Variants in SSR3 observed in about 807,000 individuals in gnomAD.
SSR3 encodes signal sequence receptor subunit 3, also known as translocon-associated protein subunit gamma.
Under a neutral mutation model 22.1 loss-of-function variants are expected in SSR3, and 10 were observed. That is an observed-to-expected ratio of 0.45 (90% CI 0.28 to 0.77). The LOEUF (loss-of-function observed/expected upper bound fraction) is 0.77. Among genes scored for constraint, SSR3 ranks in the 30% least tolerant of loss-of-function variants. The probability of loss-of-function intolerance (pLI) is 0.13; values close to 1 mark genes in which losing one functional copy is unlikely to be tolerated. For missense variants in SSR3, 181 were observed against 220.5 expected (o/e 0.82, Z 1.13); for synonymous variants, 104 against 82.5 (o/e 1.26, Z -1.42).
intron 4 of SSR3, chr3:156,544,048 T>C: frequency 2.6e-6 from 1 of 387,934 alleles, no homozygotes; most frequent in Non-Finnish European, 4.5e-6. Context: ...TGGAGCTTTT[T>C]TTTAAGGAGG....
chr3:156,553,851 C>A (rs1408815877), intron 1 of SSR3, 70 bp from the exon 2 acceptor site: 12 of 1,465,220 alleles, frequency 8.2e-6, no homozygotes, highest in African/African-American at 1.4e-5. Context: ...CAAAAGCCTG[C>A]GAAATTAATT....
Position 156,553,615 on chromosome 3 carries a change from T to A in SSR3, c.260+40A>T, listed in dbSNP as rs755632456. The A allele has an allele frequency of 2.5e-6, 4 of 1,582,240 alleles. No individual in the cohort carries two copies. In the South Asian group the frequency reaches 4.6e-5, roughly 18 times the overall value. Reference sequence around the variant, plus strand: ...ATCTTTAAGAAGACATATAAAAATATAACATGTAGTACGTACTTTCACTTG... The same window carrying A: ...ATCTTTAAGAAGACATATAAAAATAAAACATGTAGTACGTACTTTCACTTG... On this transcript the variant is annotated intron_variant, in intron 2 of 4. Transcript: ENST00000265044.
rs991967098 is a variant in SSR3, at chr3:156,539,934, G to A, written c.*3269C>T. On this transcript the variant is annotated 3_prime_UTR_variant, in exon 5 of 5. Coordinates refer to ENST00000265044, the MANE Select transcript of SSR3 (RefSeq NM_007107.5). ...CATACATTTGATTGGTAACTACAAA[G>A]ATGTGCATTTACATGTGTGAGATAT... 6.6e-6 allele frequency among the ~76,000 whole-genome samples: 1 copy of A among 152,060 alleles called. No homozygotes were observed. The highest frequency in any genetic ancestry group is 2.4e-5 in the African/African-American group (1 of 41,378).
rs925223929 is a variant in SSR3 at position 156,553,727 on chromosome 3, C to T, written c.188G>A (p.Ser63Asn). The stretch of plus-strand genomic sequence containing the variant: ...ATATGTGCTTACTAGGGTCATCACA[C>T]TATACAAAACAGCAGACTGAATAAG... ...MDLIQSAVLY[S>N]VMTLVSTYLV... is the part of the protein sequence containing the mutation. The change falls in exon 2 of 5, where the codon AGT (serine) becomes AAT (asparagine). Residue 63 changes from serine to asparagine, a missense_variant. Transcript: ENST00000265044. The T allele has an allele frequency of 3.7e-6, 6 of 1,612,960 alleles. No homozygotes were observed. Among genetic ancestry groups the T allele is most frequent in the Non-Finnish European group, 5.1e-6 (6 of 1,179,756 alleles).
Position 156,542,952 on chromosome 3 carries a change from A to C in SSR3, c.*251T>G. On this transcript the variant is annotated 3_prime_UTR_variant, in exon 5 of 5. Coordinates refer to ENST00000265044, the MANE Select transcript of SSR3 (RefSeq NM_007107.5). ...AGTTATTTTCTCCTCTTGTGATTAC[A>C]GCACATTGCAAGACATTTTTTTCCT... The C allele has an allele frequency of 2.4e-6, 1 of 417,536 alleles. No homozygotes were observed. The highest frequency in any genetic ancestry group is 3.4e-5 in the East Asian group (1 of 29,444). The allele number at this position is 417,536 out of a possible 1,614,324, so 25.9% of individuals were successfully genotyped here. A position where few individuals can be genotyped will look rare whatever the true frequency, so the allele number is the denominator to read the frequency against.
At chr3:156,544,931 G>A (rs966893836) in intron 3 of SSR3, among the ~76,000 whole-genome samples, 7 of 152,154 alleles carry the variant, frequency 4.6e-5, no homozygotes, top group Admixed American at 2.6e-4. Flanking sequence ...GCTATTGTTA[G>A]CCATCTTTAT....
At chr3:156,544,240 A>G in intron 4 of SSR3, 68 bp downstream of exon 4, 1 of 1,407,520 alleles carries the variant, frequency 7.1e-7, no homozygotes, top group East Asian at 2.5e-5. Flanking sequence ...ATATCCAGAC[A>G]AGTCAAAACC....
chr3:156,543,185 G>A lies in SSR3; in HGVS notation c.*18C>T. The A allele has an allele frequency of 1.2e-6, 2 of 1,612,158 alleles. No homozygotes were observed. The highest frequency in any genetic ancestry group is 1.7e-6 in the Non-Finnish European group (2 of 1,179,044). On this transcript the variant is annotated 3_prime_UTR_variant, in exon 5 of 5. Transcript: ENST00000265044. ...GGCCACCCATAGACACAAAGCCAGG[G>A]GGTGAAGCTGACATGGTCTATTTGG...
At chr3:156,547,151 T>C (rs970898178) in intron 3 of SSR3, among the ~76,000 whole-genome samples, 1 of 152,210 alleles carries the variant, frequency 6.6e-6, no homozygotes, top group Non-Finnish European at 1.5e-5. Flanking sequence ...AATTTTATAA[T>C]GTTCTGACAC....
intron 2 of SSR3, among the ~76,000 whole-genome samples, chr3:156,552,222 T>G (rs1349032870): frequency 6.6e-6 from 1 of 151,184 alleles, no homozygotes; most frequent in Non-Finnish European, 1.5e-5. Flanking sequence ...GAGGATCACT[T>G]GAGCCCAGGA....
chr3:156,554,885 G>T, intron 1 of SSR3, 72 bp downstream of exon 1: 1 of 1,547,982 alleles, frequency 6.5e-7, no homozygotes, highest in Admixed American at 1.9e-5. Context: ...CCTGCTCGCC[G>T]GGTCCTGCCA....
At chr3:156,554,897 G>C in intron 1 of SSR3, 60 bp downstream of exon 1, 3 of 1,566,990 alleles carry the variant, frequency 1.9e-6, no homozygotes, top group Non-Finnish European at 2.6e-6. Context: ...GTCCTGCCAC[G>C]TCCCCGCCCA....
chr3:156,540,198 G>T lies in SSR3; in HGVS notation c.*3005C>A, dbSNP rs936938720. The T allele has an allele frequency of 6.6e-6, 1 of 152,190 alleles. No homozygotes were observed. Among genetic ancestry groups the T allele is most frequent in the Non-Finnish European group, 1.5e-5 (1 of 68,046 alleles). 9.4% of individuals were successfully genotyped at this position (152,190 alleles called of 1,614,324 possible). Reference sequence around the variant, plus strand: ...TTAAGCAAGACTTTTCACAAGAATTGAGTATAAATTCAATCTCCATATTTC... The same window carrying T: ...TTAAGCAAGACTTTTCACAAGAATTTAGTATAAATTCAATCTCCATATTTC... On this transcript the variant is annotated 3_prime_UTR_variant, in exon 5 of 5. Coordinates refer to ENST00000265044, the MANE Select transcript of SSR3 (RefSeq NM_007107.5).
intron 4 of SSR3, chr3:156,544,077 T>C (rs556653148): frequency 7.2e-5 from 29 of 405,072 alleles, no homozygotes; most frequent in Admixed American, 1.8e-4. Flanking sequence ...CAGATTCCCA[T>C]AGACTACTTT....
At chr3:156,550,503 C>G (rs1272880021) in intron 2 of SSR3, among the ~76,000 whole-genome samples, 1 of 152,216 alleles carries the variant, frequency 6.6e-6, no homozygotes, top group Admixed American at 6.5e-5. Context: ...GGAGGAAGCC[C>G]TCCCCTCTGT....
Position 156,543,218 on chromosome 3 carries a change from AGAC to A in SSR3, c.540_542del (p.Ser181del). 6.2e-7 allele frequency: 1 copy of A among 1,613,966 alleles called. No homozygotes were observed. Among genetic ancestry groups the A allele is most frequent in the Non-Finnish European group, 8.5e-7 (1 of 1,179,952 alleles). On this transcript the variant is annotated inframe_deletion, in exon 5 of 5. Coordinates refer to ENST00000265044, the MANE Select transcript of SSR3 (RefSeq NM_007107.5). ...CTGACATGGTCTATTTGGAGCCAGT[AGAC>A]AGGAGGGCGATGAGTCCTGATGAAG...
In SSR3 at chr3:156,553,877, A is replaced by G. The variant is rs1173896507; in HGVS notation, c.134-96T>C. The G allele has an allele frequency of 5.5e-6, 7 of 1,272,474 alleles. No individual in the cohort carries two copies. In the African/African-American group the frequency reaches 9.1e-5, roughly 17 times the overall value. The allele number at this position is 1,272,474 out of a possible 1,614,324, so 78.8% of individuals were successfully genotyped here. On this transcript the variant is annotated intron_variant, in intron 1 of 4. Transcript: ENST00000265044. ...GAAATTAATTATAGCTAAGCCTGGT[A>G]AAATACCAGGTTATTAGTTATGCAA... is the stretch of plus-strand genomic sequence containing the variant.
chr3:156,552,846 T>G (rs1218886879), intron 2 of SSR3, among the ~76,000 whole-genome samples: 1 of 152,242 alleles, frequency 6.6e-6, no homozygotes, highest in African/African-American at 2.4e-5. Flanking sequence ...TACGTGATCC[T>G]GCATTTTAAC....
intron 3 of SSR3, among the ~76,000 whole-genome samples, chr3:156,545,273 T>C (rs1156329093): frequency 6.6e-6 from 1 of 152,134 alleles, no homozygotes; most frequent in Non-Finnish European, 1.5e-5. Flanking sequence ...TTTAAAAAAA[T>C]GAAATAGGAA....
Sources: allele counts gnomAD v4.1 joint callset (sites outside exome capture counted in the v4.1 genomes callset), GRCh38; gene constraint gnomAD v4.1.1; transcripts MANE v1.5; gene names NCBI Gene and HGNC (gene_info 2026-07-23, HGNC 2026-07-21).